Variants in ANKS1B observed in about 807,000 individuals in gnomAD.
ANKS1B encodes ankyrin repeat and sterile alpha motif domain containing 1B, also known as ankyrin repeat and sterile alpha motif domain-containing protein 1B.
ANKS1B carries 36 observed loss-of-function variants against 148.3 expected under a neutral mutation model. The observed-to-expected ratio is 0.24, with a 90% CI of 0.19 to 0.32. ANKS1B has a LOEUF of 0.32. Among genes scored for constraint, ANKS1B ranks in the 10% least tolerant of loss-of-function variants. The pLI, the probability that ANKS1B is intolerant of heterozygous loss-of-function variation, is 1.00. For missense variants in ANKS1B, 1,157 were observed against 1,542.6 expected, an observed-to-expected ratio of 0.75 and a Z score of 4.19; for synonymous variants, 542 against 560.8, an observed-to-expected ratio of 0.97 and a Z score of 0.47.
intron 15 of ANKS1B, among the ~76,000 whole-genome samples, chr12:99,124,645 C>T (rs2063802719): frequency 6.6e-6 from 1 of 152,022 alleles, no homozygotes; most frequent in African/African-American, 2.4e-5. Flanking sequence ...TGAATAAGGA[C>T]ACCTAGGAAG....
intron 4 of ANKS1B, among the ~76,000 whole-genome samples, chr12:99,800,152 C>T (rs1013880520): frequency 2.0e-5 from 3 of 151,938 alleles, no homozygotes; most frequent in Non-Finnish European, 2.9e-5. Flanking sequence ...TAAATTGGGT[C>T]ATAAGGGTGT....
chr12:99,909,066 C>A (rs973094366), intron 1 of ANKS1B, among the ~76,000 whole-genome samples: 1 of 147,050 alleles, frequency 6.8e-6, no homozygotes, highest in Non-Finnish European at 1.5e-5. Flanking sequence ...TCTATATATT[C>A]AACTTTTTTT....
At chr12:99,693,259 T>C (rs527692376) in intron 8 of ANKS1B, among the ~76,000 whole-genome samples, 10 of 152,336 alleles carry the variant, frequency 6.6e-5, no homozygotes, top group Admixed American at 2.0e-4. Context: ...GAAGTGATCA[T>C]TGGATTCATA....
chr12:99,371,809 A>G (rs2093151293), intron 12 of ANKS1B, among the ~76,000 whole-genome samples: 1 of 152,194 alleles, frequency 6.6e-6, no homozygotes, highest in East Asian at 1.9e-4. Flanking sequence ...TTATAATGCA[A>G]AGGTAAACTT....
At position 99,302,732 on chromosome 12, in the gene ANKS1B, G is replaced by T. The variant is rs531757485; in HGVS notation, c.1757-55868C>A. 3.9e-5 allele frequency among the ~76,000 whole-genome samples: 6 copies of T among 152,204 alleles called. No individual in the cohort carries two copies. The East Asian group carries it at 5.8e-4, about 15-fold the overall frequency. ...GGACCACATTGTTAAGTGACATAAA[G>T]AATAAAATTTGGCAGCACAGATTTG... On this transcript the variant is annotated intron_variant, in intron 12 of 26. Transcript: ENST00000683438.
chr12:99,478,168 T>C (rs1035546497), intron 10 of ANKS1B, among the ~76,000 whole-genome samples: 3 of 152,262 alleles, frequency 2.0e-5, no homozygotes, highest in East Asian at 3.9e-4. Context: ...GAGGCAAATA[T>C]TGCAGCTTAA....
In ANKS1B at chr12:99,857,313, T is replaced by C. The variant is rs559031874; in HGVS notation, c.135-31924A>G. On this transcript the variant is annotated intron_variant, in intron 1 of 26. Transcript: ENST00000683438. ...TGCAAAAAAAATAAAATAAAATATT[T>C]AGGAATATATCTAACCAAGGAGGTG... 2.5e-4 allele frequency among the ~76,000 whole-genome samples: 38 copies of C among 152,130 alleles called. 1 individual carries two copies. In the South Asian group the frequency reaches 7.7e-3, roughly 31 times the overall value.
chr12:99,953,387 T>C (rs2095261098), intron 1 of ANKS1B, among the ~76,000 whole-genome samples: 1 of 151,974 alleles, frequency 6.6e-6, no homozygotes, highest in Admixed American at 6.6e-5. Context: ...AAGATGATGG[T>C]GAAGTTTAAG....
intron 8 of ANKS1B, among the ~76,000 whole-genome samples, chr12:99,718,482 C>A (rs1011558292): frequency 3.3e-5 from 5 of 152,162 alleles, no homozygotes; most frequent in Non-Finnish European, 7.3e-5. Flanking sequence ...CCGCTCAATG[C>A]CGATATCCCA....
At chr12:99,716,936 A>G (rs571121242) in intron 8 of ANKS1B, among the ~76,000 whole-genome samples, 6 of 152,248 alleles carry the variant, frequency 3.9e-5, no homozygotes, top group South Asian at 4.1e-4. Context: ...CACCTGGTCC[A>G]GCTTACAGTT....
chr12:99,637,958 T>C (rs867934505), intron 9 of ANKS1B, among the ~76,000 whole-genome samples: 9 of 151,234 alleles, frequency 6.0e-5, no homozygotes, highest in Non-Finnish European at 1.2e-4. Context: ...TGGTGGGAGG[T>C]AATTAAATCA....
At chr12:99,294,659 TC>T (rs149784070) in intron 12 of ANKS1B, among the ~76,000 whole-genome samples, 4,701 of 151,736 alleles carry the variant, frequency 0.031, 212 homozygotes, top group African/African-American at 0.093. Flanking sequence ...TTATTGCACT[TC>T]TTTTTTTTTT....
At chr12:98,830,487 T>C (rs557380509) in intron 18 of ANKS1B, among the ~76,000 whole-genome samples, 2 of 152,272 alleles carry the variant, frequency 1.3e-5, no homozygotes, top group African/African-American at 4.8e-5. Flanking sequence ...CTGAAATCCT[T>C]GCGCATTTTC....
At chr12:99,385,580 A>G (rs2152526635) in intron 12 of ANKS1B, among the ~76,000 whole-genome samples, 1 of 152,350 alleles carries the variant, frequency 6.6e-6, no homozygotes, top group South Asian at 2.1e-4. Flanking sequence ...TTAATATTCC[A>G]GTTTTAATTT....
At chr12:99,647,560 C>T (rs1567556005) in intron 9 of ANKS1B, among the ~76,000 whole-genome samples, 1 of 151,958 alleles carries the variant, frequency 6.6e-6, no homozygotes. Flanking sequence ...CATTAAGGTC[C>T]CTAGATGGTA....
chr12:99,537,537 CCTGTTTTCCAGTTGTGTATGT>C (rs1233442734), intron 9 of ANKS1B, among the ~76,000 whole-genome samples: 2 of 152,106 alleles, frequency 1.3e-5, no homozygotes, highest in African/African-American at 4.8e-5. Flanking sequence ...TTTTCATACG[CCTGTTTTCCAGTTGTGTATGT>C]CTTCTTGTGA....
chr12:99,969,919 C>A (rs2095537417), intron 1 of ANKS1B, among the ~76,000 whole-genome samples: 1 of 151,940 alleles, frequency 6.6e-6, no homozygotes, highest in African/African-American at 2.4e-5. Context: ...ACCTTTTCAC[C>A]CATAAATAAA....
At chr12:99,619,360 G>A (rs2098015549) in intron 9 of ANKS1B, among the ~76,000 whole-genome samples, 1 of 151,882 alleles carries the variant, frequency 6.6e-6, no homozygotes, top group African/African-American at 2.4e-5. Flanking sequence ...TATTCCTAAT[G>A]TGGCCAGACC....
chr12:99,509,704 G>A (rs1395255861), intron 9 of ANKS1B, among the ~76,000 whole-genome samples: 2 of 151,990 alleles, frequency 1.3e-5, no homozygotes, highest in Non-Finnish European at 2.9e-5. Flanking sequence ...GCTGCAACAA[G>A]TTATCCAGAA....
Sources: gnomAD v4.1 joint callset for allele counts (sites outside exome capture counted in the v4.1 genomes callset) on GRCh38, gnomAD v4.1.1 for gene constraint, MANE v1.5 for transcripts, NCBI Gene and HGNC (gene_info 2026-07-23, HGNC 2026-07-21) for gene names.